The following NRXN1 variants were observed in gnomAD, a reference collection of about 807,000 sequenced individuals.
The protein encoded by NRXN1 is neurexin-1.
In NRXN1, 39 loss-of-function variants were observed where a neutral mutation model predicts 150.9. The observed-to-expected ratio is 0.26, with a 90% confidence interval of 0.20 to 0.34. NRXN1 has a LOEUF of 0.34. NRXN1 is among the 10% of genes least tolerant of loss of function. NRXN1 has a pLI of 1.00. For missense variants in NRXN1, 1,815 were observed against 1,949.9 expected (o/e 0.93, Z 1.30); for synonymous variants, 924 against 757.0 (o/e 1.22, Z -3.62).
In NRXN1 at chr2:50,291,135, G is replaced by GAAA. The variant is rs5831107; in HGVS notation, c.3365-54168_3365-54166dup. ...CTCCTGGAGTTGAACCACAGAAGTTGAAAAAAAAAAAAGGCTCTGAATTAA... is the reference window on the plus strand; with the variant it reads ...CTCCTGGAGTTGAACCACAGAAGTTGAAAAAAAAAAAAAAAGGCTCTGAATTAA... On this transcript the variant is annotated intron_variant, in intron 17 of 22. Coordinates refer to ENST00000401669, the MANE Select transcript of NRXN1 (RefSeq NM_001330078.2). Among the ~76,000 whole-genome samples, 924 of 143,894 alleles carry GAAA rather than the reference G, an allele frequency of 6.4e-3. 15 individuals carry two copies. Among genetic ancestry groups the GAAA allele is most frequent in the African/African-American group, 0.022 (863 of 39,028 alleles). 94.4% of individuals were successfully genotyped at this position (143,894 alleles called of 152,430 possible). A position where few individuals can be genotyped will look rare whatever the true frequency, so the allele number is the denominator to read the frequency against.
At chr2:50,758,833 T>A (rs1440247892) in intron 5 of NRXN1, among the ~76,000 whole-genome samples, 2 of 151,906 alleles carry the variant, frequency 1.3e-5, no homozygotes, top group African/African-American at 4.8e-5. Context: ...ATGCTACTGC[T>A]TCCAGGATGA....
intron 18 of NRXN1, among the ~76,000 whole-genome samples, chr2:50,136,610 GTATTATA>G (rs1438417652): frequency 6.6e-6 from 1 of 152,100 alleles, no homozygotes. Flanking sequence ...ACCCCGGGAT[GTATTATA>G]CATTGCTTAT....
At chr2:50,418,793 T>G (rs2083748697) in intron 17 of NRXN1, among the ~76,000 whole-genome samples, 2 of 151,994 alleles carry the variant, frequency 1.3e-5, no homozygotes, top group Non-Finnish European at 2.9e-5. Context: ...TTTAAATACC[T>G]TAGATGCTAT....
intron 15 of NRXN1, among the ~76,000 whole-genome samples, chr2:50,483,562 T>A (rs1267836377): frequency 6.6e-6 from 1 of 152,162 alleles, no homozygotes; most frequent in Non-Finnish European, 1.5e-5. Context: ...TTGATCCTTG[T>A]TGCAACCCTT....
chr2:50,873,112 T>A (rs1678039460), intron 5 of NRXN1, among the ~76,000 whole-genome samples: 1 of 151,900 alleles, frequency 6.6e-6, no homozygotes, highest in Non-Finnish European at 1.5e-5. Context: ...TCAGTAGCTA[T>A]TGGGTCATGA....
chr2:50,939,928 C>T (rs1689148256), intron 2 of NRXN1, among the ~76,000 whole-genome samples: 1 of 152,226 alleles, frequency 6.6e-6, no homozygotes, highest in Non-Finnish European at 1.5e-5. Context: ...AATTATATAG[C>T]TGTCAATTAA....
chr2:49,947,503 CTT>C (rs376145888), intron 21 of NRXN1, among the ~76,000 whole-genome samples: 1 of 134,072 alleles, frequency 7.5e-6, no homozygotes, highest in African/African-American at 2.7e-5. Flanking sequence ...TTTTTTCTTT[CTT>C]TTTTTTTTCT....
intron 1 of NRXN1, among the ~76,000 whole-genome samples, chr2:51,029,542 C>A (rs1199178649): frequency 6.6e-6 from 1 of 152,180 alleles, no homozygotes; most frequent in African/African-American, 2.4e-5. Flanking sequence ...AGGATTTCTA[C>A]CTATGTTGTG....
chr2:50,511,598 A>C (rs1266951862), intron 12 of NRXN1, among the ~76,000 whole-genome samples: 1 of 152,190 alleles, frequency 6.6e-6, no homozygotes, highest in African/African-American at 2.4e-5. Context: ...TAAACATTTC[A>C]GTTTTCCTTA....
chr2:50,529,312 G>T (rs2093038149), intron 11 of NRXN1, among the ~76,000 whole-genome samples: 1 of 152,130 alleles, frequency 6.6e-6, no homozygotes, highest in Non-Finnish European at 1.5e-5. Flanking sequence ...ATTATTCAAG[G>T]CACACAAGCC....
chr2:50,860,098 T>A (rs576396070), intron 5 of NRXN1, among the ~76,000 whole-genome samples: 1 of 152,106 alleles, frequency 6.6e-6, no homozygotes, highest in African/African-American at 2.4e-5. Context: ...TTACTTTATA[T>A]CATAGTATTT....
At chr2:50,870,228 T>G (rs1036065738) in intron 5 of NRXN1, among the ~76,000 whole-genome samples, 2 of 151,946 alleles carry the variant, frequency 1.3e-5, no homozygotes, top group Non-Finnish European at 2.9e-5. Context: ...TATTATTCAT[T>G]TATTATAAAA....
At chr2:50,000,113 C>A (rs1410554460) in intron 21 of NRXN1, among the ~76,000 whole-genome samples, 1 of 152,202 alleles carries the variant, frequency 6.6e-6, no homozygotes, top group Non-Finnish European at 1.5e-5. Flanking sequence ...TAGTGATAAA[C>A]TGCTTGTATC....
rs111563306 is a variant in NRXN1 at position 50,740,306 on chromosome 2, T to C, written c.833-116691A>G. ...TGGAGGAAAACTGCTGGGGAACTTA[T>C]GGGAAAGGTTCTCATTTGAAACATA... On this transcript the variant is annotated intron_variant, in intron 5 of 22. Coordinates refer to ENST00000401669, the MANE Select transcript of NRXN1 (RefSeq NM_001330078.2). Among the ~76,000 whole-genome samples the C allele has an allele frequency of 2.0e-3, 307 of 152,262 alleles. 5 individuals are homozygous for C. The highest frequency in any genetic ancestry group is 7.2e-3 in the African/African-American group (298 of 41,568).
At chr2:50,290,976 C>G (rs551042641) in intron 17 of NRXN1, among the ~76,000 whole-genome samples, 1 of 152,046 alleles carries the variant, frequency 6.6e-6, no homozygotes, top group Non-Finnish European at 1.5e-5. Context: ...TGCAATTACC[C>G]GTCAAATGTG....
At chr2:50,038,079 T>A (rs1690321431) in intron 21 of NRXN1, among the ~76,000 whole-genome samples, 1 of 152,120 alleles carries the variant, frequency 6.6e-6, no homozygotes, top group South Asian at 2.1e-4. Flanking sequence ...GCTTAGAATA[T>A]GATATGTAGA....
At chr2:50,710,744 A>G (rs1481924333) in intron 5 of NRXN1, among the ~76,000 whole-genome samples, 1 of 152,222 alleles carries the variant, frequency 6.6e-6, no homozygotes, top group Non-Finnish European at 1.5e-5. Flanking sequence ...GGCAGAGCTG[A>G]TAAACATCTA....
At chr2:50,930,965 G>A (rs1325761332) in intron 2 of NRXN1, among the ~76,000 whole-genome samples, 1 of 152,114 alleles carries the variant, frequency 6.6e-6, no homozygotes, top group African/African-American at 2.4e-5. Context: ...CTTGGACTGA[G>A]GTTAAGAGAG....
chr2:50,585,175 C>T (rs939116899), intron 8 of NRXN1, among the ~76,000 whole-genome samples: 1 of 152,056 alleles, frequency 6.6e-6, no homozygotes, highest in Non-Finnish European at 1.5e-5. Context: ...TTAGTAACCG[C>T]AAAACGTTAG....
Sources: allele counts gnomAD v4.1 joint callset (sites outside exome capture counted in the v4.1 genomes callset), GRCh38; gene constraint gnomAD v4.1.1; transcripts MANE v1.5; gene names NCBI Gene and HGNC (gene_info 2026-07-23, HGNC 2026-07-21).